Variants in MYH10 observed in about 807,000 individuals in gnomAD.
The protein encoded by MYH10 is myosin-10.
A neutral mutation model predicts 257.8 loss-of-function variants in MYH10; 55 were observed. That is an observed-to-expected ratio of 0.21 (90% CI 0.17 to 0.27). MYH10 has a LOEUF of 0.27. Among genes scored for constraint, MYH10 ranks in the 10% least tolerant of loss-of-function variants. The probability of loss-of-function intolerance (pLI) is 1.00; values close to 1 mark genes in which losing one functional copy is unlikely to be tolerated. For missense variants in MYH10, 1,631 were observed against 2,500.6 expected (o/e 0.65, Z 7.42); for synonymous variants, 854 against 921.7 (o/e 0.93, Z 1.33).
In MYH10 at chr17:8,504,829, T is replaced by C; in HGVS notation, c.3464A>G (p.Gln1155Arg). The C allele has an allele frequency of 6.2e-7, 1 of 1,614,250 alleles. No homozygotes were observed. Among genetic ancestry groups the C allele is most frequent in the Non-Finnish European group, 8.5e-7 (1 of 1,180,038 alleles). Reference sequence around the variant, plus strand: ...AGCCTTCTCGGATTCAAAGTCTTCCTGAAGTTCAGCAATTTGGGCTTGTAG... The same window carrying C: ...AGCCTTCTCGGATTCAAAGTCTTCCCGAAGTTCAGCAATTTGGGCTTGTAG... ...RELQAQIAELQEDFESEKASR... is the reference protein window; with the variant it reads ...RELQAQIAELREDFESEKASR... Residue 1155 changes from glutamine to arginine, a missense_variant, in exon 28 of 43, where the codon CAG (glutamine) becomes CGG (arginine). Physicochemically the swap from Gln to Arg is conservative, Grantham distance 43 (BLOSUM62 1). This residue lies in a region of MYH10 where 169 missense variants were observed against 249.8 expected (regional missense o/e 0.68). Transcript: ENST00000360416. This position sits in a 1 kb window ranked among gnomAD's most constrained non-coding sequence, Gnocchi z 5.6.
intron 14 of MYH10, among the ~76,000 whole-genome samples, chr17:8,539,449 C>T (rs571315462): frequency 1.3e-5 from 2 of 152,250 alleles, no homozygotes; most frequent in South Asian, 4.1e-4. Flanking sequence ...ACCCAGGAAC[C>T]AATGAGCTCA....
intron 4 of MYH10, among the ~76,000 whole-genome samples, chr17:8,585,131 T>C (rs1320101855): frequency 2.6e-5 from 4 of 151,686 alleles, no homozygotes; most frequent in Non-Finnish European, 5.9e-5. Flanking sequence ...GCGTGAGCCA[T>C]CATGCCTGGC....
chr17:8,479,548 G>A (rs1022644020), intron 40 of MYH10, among the ~76,000 whole-genome samples: 1 of 152,176 alleles, frequency 6.6e-6, no homozygotes, highest in Non-Finnish European at 1.5e-5. Flanking sequence ...CAGGGTTCTG[G>A]CCGCGAGCCC....
At chr17:8,527,941 C>G (rs1222194528) in intron 17 of MYH10, among the ~76,000 whole-genome samples, 1 of 152,240 alleles carries the variant, frequency 6.6e-6, no homozygotes, top group Non-Finnish European at 1.5e-5. Flanking sequence ...TAAACTATGT[C>G]AGACCTAAAC....
intron 19 of MYH10, among the ~76,000 whole-genome samples, chr17:8,519,609 A>C (rs2081582872): frequency 6.6e-6 from 1 of 151,858 alleles, no homozygotes; most frequent in Admixed American, 6.6e-5. Flanking sequence ...CCTAACAATA[A>C]AAAATGAAAA....
chr17:8,577,096 C>T, intron 5 of MYH10, 140 bp downstream of exon 5: 1 of 596,362 alleles, frequency 1.7e-6, no homozygotes, highest in South Asian at 2.9e-5. Flanking sequence ...AAAAGCATTG[C>T]TGGGTAGGTG....
Position 8,475,810 on chromosome 17 carries a change from T to G in MYH10, c.6018A>C (p.Ser2006=). Reference sequence around the variant, plus strand: ...CCTCTGGCTTCCTGCAACTTTACTCTGACTGGGGTGGCTGCGTCTCGTTGA... The same window carrying G: ...CCTCTGGCTTCCTGCAACTTTACTCGGACTGGGGTGGCTGCGTCTCGTTGA... ...SDVNETQPPQ[S]E is the part of the protein sequence containing the mutation. The change falls in exon 43 of 43, where the codon TCA becomes TCC. Residue 2006 remains serine, a synonymous_variant. Coordinates refer to ENST00000360416, the MANE Select transcript of MYH10 (RefSeq NM_001256012.3). 2 of 1,614,052 alleles carry G rather than the reference T, an allele frequency of 1.2e-6. No individual in the cohort carries two copies. The highest frequency in any genetic ancestry group is 1.7e-6 in the Non-Finnish European group (2 of 1,179,926).
intron 7 of MYH10, among the ~76,000 whole-genome samples, chr17:8,559,538 C>A (rs1412528222): frequency 2.0e-5 from 3 of 151,922 alleles, no homozygotes; most frequent in Non-Finnish European, 2.9e-5. Flanking sequence ...AATAATGAAT[C>A]AATTTCTAAG....
intron 26 of MYH10, among the ~76,000 whole-genome samples, chr17:8,507,660 C>T (rs1052824620): frequency 6.6e-6 from 1 of 152,168 alleles, no homozygotes; most frequent in African/African-American, 2.4e-5. Context: ...TATCTTTTAC[C>T]ACAGTACCAA....
chr17:8,481,301 C>A (rs780810947), intron 38 of MYH10, 21 bp downstream of exon 38: 2 of 1,612,010 alleles, frequency 1.2e-6, no homozygotes, highest in Admixed American at 1.7e-5. Context: ...AAGAACCCAC[C>A]CCCGGCCGTG....
intron 19 of MYH10, 83 bp from the exon 20 acceptor site, chr17:8,519,033 G>T: frequency 9.6e-7 from 1 of 1,044,224 alleles, no homozygotes. Context: ...GCTCTAAGAG[G>T]CAATAAAATG....
chr17:8,520,021 A>G (rs2081600300), intron 19 of MYH10, among the ~76,000 whole-genome samples: 1 of 152,148 alleles, frequency 6.6e-6, no homozygotes, highest in Non-Finnish European at 1.5e-5. Context: ...GTGCACATGT[A>G]TACACATACA....
chr17:8,560,574 A>G (rs2082956610), intron 7 of MYH10: 2 of 828,220 alleles, frequency 2.4e-6, no homozygotes, highest in Admixed American at 1.9e-5. Context: ...AAACAGTGGA[A>G]AACTTTCGTG....
At chr17:8,550,296 C>T (rs1189305479) in intron 9 of MYH10, among the ~76,000 whole-genome samples, 1 of 151,798 alleles carries the variant, frequency 6.6e-6, no homozygotes, top group Non-Finnish European at 1.5e-5. Flanking sequence ...CGTCTCTGCC[C>T]GGCCGCCCAT....
At chr17:8,518,586 C>A (rs1385807772) in intron 21 of MYH10, 45 bp downstream of exon 21, 18 of 1,574,754 alleles carry the variant, frequency 1.1e-5, no homozygotes, top group Non-Finnish European at 1.6e-5. Flanking sequence ...TTATCTAGCA[C>A]AAGCACTTCC....
chr17:8,481,312 G>A lies in MYH10; in HGVS notation c.5264+10C>T, dbSNP rs200725687. On this transcript the variant is annotated intron_variant, in intron 38 of 42. Transcript: ENST00000360416. ...GGCGAAGAACCCACCCCCGGCCGTG[G>A]GAGACTCACTTGCCAGAGGCGCTGT... 48 of 1,613,446 alleles carry A rather than the reference G, an allele frequency of 3.0e-5. No individual in the cohort carries two copies. The East Asian group carries it at 1.0e-3, about 35-fold the overall frequency.
At chr17:8,604,483 C>A (rs981661789) in intron 3 of MYH10, among the ~76,000 whole-genome samples, 3 of 152,152 alleles carry the variant, frequency 2.0e-5, no homozygotes, top group African/African-American at 7.2e-5. Flanking sequence ...GCAGCATCTA[C>A]CTTTCCTATT....
At chr17:8,493,669 C>A in intron 32 of MYH10, 64 bp downstream of exon 32, 1 of 1,532,450 alleles carries the variant, frequency 6.5e-7, no homozygotes, top group Non-Finnish European at 8.8e-7. Context: ...CCCAGCACAG[C>A]AGGGCCAGGA....
intron 24 of MYH10, among the ~76,000 whole-genome samples, chr17:8,510,951 A>G (rs900801288): frequency 2.7e-5 from 4 of 146,144 alleles, no homozygotes; most frequent in Non-Finnish European, 6.0e-5. Context: ...CAGATAGATT[A>G]CCCCATTTTA....
Sources: allele counts gnomAD v4.1 joint callset (sites outside exome capture counted in the v4.1 genomes callset), GRCh38; gene constraint gnomAD v4.1.1; regional missense constraint gnomAD v4.1.1; non-coding constraint Gnocchi (gnomAD v3.1); transcripts MANE v1.5; gene names NCBI Gene and HGNC (gene_info 2026-07-23, HGNC 2026-07-21).